The following CCL18 variants were observed in gnomAD, a reference collection of about 807,000 sequenced individuals.
The protein encoded by CCL18 is C-C motif chemokine ligand 18, also known as C-C motif chemokine 18.
A neutral mutation model predicts 8.0 loss-of-function variants in CCL18; 7 were observed. That is an observed-to-expected ratio of 0.87 (90% confidence interval 0.50 to 1.64). The LOEUF (loss-of-function observed/expected upper bound fraction) is 1.64. Among genes scored for constraint, CCL18 ranks in the 40% most tolerant of loss-of-function variants. CCL18 has a pLI of 0.00. For synonymous variants in CCL18, 35 were observed against 41.3 expected (o/e 0.85, Z 0.59); for missense variants, 95 against 107.8 (o/e 0.88, Z 0.52).
intron 1 of CCL18, among the ~76,000 whole-genome samples, chr17:36,066,215 G>A (rs2066836215): frequency 6.6e-6 from 1 of 152,176 alleles, no homozygotes; most frequent in African/African-American, 2.4e-5. Flanking sequence ...TAAGTGATAT[G>A]GCTTAAATGT....
chr17:36,064,757 A>G (rs1288948839), intron 1 of CCL18, among the ~76,000 whole-genome samples: 1 of 152,186 alleles, frequency 6.6e-6, no homozygotes, highest in Non-Finnish European at 1.5e-5. Context: ...GGGTAACATA[A>G]AAGATGTCTA....
chr17:36,066,838 C>A (rs540879548), intron 1 of CCL18, among the ~76,000 whole-genome samples: 1 of 152,158 alleles, frequency 6.6e-6, no homozygotes, highest in Non-Finnish European at 1.5e-5. Flanking sequence ...TGAAAAGGAC[C>A]ATTACATCGT....
chr17:36,069,318 A>T (rs902987231), intron 1 of CCL18, among the ~76,000 whole-genome samples: 2 of 152,186 alleles, frequency 1.3e-5, no homozygotes, highest in African/African-American at 4.8e-5. Context: ...TCACTGTGGA[A>T]ACCATTTCCC....
Position 36,070,438 on chromosome 17 carries a change from C to T in CCL18, c.68-9C>T. The T allele has an allele frequency of 6.5e-7, 1 of 1,542,490 alleles. No homozygotes were observed. Among genetic ancestry groups the T allele is most frequent in the Admixed American group, 1.7e-5 (1 of 59,946 alleles). The stretch of plus-strand genomic sequence containing the variant: ...ATGACTTGGGATCTTTCTGTCCTGT[C>T]TCTTGCAGTTGGTACCAACAAAGAG... On this transcript the variant is annotated splice_polypyrimidine_tract_variant and intron_variant, in intron 1 of 2. Transcript: ENST00000616054.
At chr17:36,069,567 C>T (rs942688815) in intron 1 of CCL18, among the ~76,000 whole-genome samples, 6 of 152,068 alleles carry the variant, frequency 3.9e-5, no homozygotes, top group African/African-American at 1.4e-4. Context: ...GCACATGTAC[C>T]CCGAACTTAA....
rs983751069 is a variant in CCL18 at position 36,071,128 on chromosome 17, T to C, written c.*87T>C. 6 of 825,580 alleles carry C rather than the reference T, an allele frequency of 7.3e-6. No homozygotes were observed. Among genetic ancestry groups the C allele is most frequent in the Non-Finnish European group, 1.2e-5 (6 of 498,374 alleles). The allele number at this position is 825,580 out of a possible 1,614,324, so 51.1% of individuals were successfully genotyped here. Reference sequence around the variant, plus strand: ...AGCCAGGGCAATGGCCCTGCCACCCTGGAGGCTACCTCTTCTAAGAGTCCC... The same window carrying C: ...AGCCAGGGCAATGGCCCTGCCACCCCGGAGGCTACCTCTTCTAAGAGTCCC... On this transcript the variant is annotated 3_prime_UTR_variant, in exon 3 of 3. Transcript: ENST00000616054.
Position 36,064,309 on chromosome 17 carries a change from C to T in CCL18, c.-34C>T, listed in dbSNP as rs780645213. On this transcript the variant is annotated 5_prime_UTR_variant, in exon 1 of 3. Transcript: ENST00000616054. ...GGAGTTGTGAGTTTCCAAGCCCCAGCTCACTCTGACCACTTCTCTGCCTGC... is the reference window on the plus strand; with the variant it reads ...GGAGTTGTGAGTTTCCAAGCCCCAGTTCACTCTGACCACTTCTCTGCCTGC... 23 of 1,589,306 alleles carry T rather than the reference C, an allele frequency of 1.4e-5. No individual in the cohort carries two copies. Among genetic ancestry groups the T allele is most frequent in the Non-Finnish European group, 1.9e-5 (22 of 1,157,516 alleles).
chr17:36,066,741 G>C (rs1357941001), intron 1 of CCL18, among the ~76,000 whole-genome samples: 1 of 152,234 alleles, frequency 6.6e-6, no homozygotes, highest in Non-Finnish European at 1.5e-5. Flanking sequence ...ATGCTGTGCT[G>C]CAGCTCCTCT....
chr17:36,069,825 G>A (rs1321672947), intron 1 of CCL18, among the ~76,000 whole-genome samples: 1 of 152,126 alleles, frequency 6.6e-6, no homozygotes, highest in Non-Finnish European at 1.5e-5. Flanking sequence ...CCCCAGGCCC[G>A]CTGTCCCTTG....
chr17:36,066,454 C>G (rs1388343094), intron 1 of CCL18, among the ~76,000 whole-genome samples: 2 of 152,190 alleles, frequency 1.3e-5, no homozygotes, highest in Admixed American at 1.3e-4. Context: ...GTCCTCAACC[C>G]TTTACAGGCA....
intron 1 of CCL18, among the ~76,000 whole-genome samples, chr17:36,067,727 G>T (rs781582348): frequency 2.0e-4 from 30 of 152,028 alleles, no homozygotes; most frequent in Admixed American, 1.1e-3. Flanking sequence ...ATATGTTACA[G>T]TAGTGCATGA....
chr17:36,066,954 C>A (rs1375419115), intron 1 of CCL18, among the ~76,000 whole-genome samples: 1 of 152,230 alleles, frequency 6.6e-6, no homozygotes, highest in Non-Finnish European at 1.5e-5. Flanking sequence ...AAGAACAGAT[C>A]TATTTGTGAA....
chr17:36,066,009 C>A (rs1463865292), intron 1 of CCL18, among the ~76,000 whole-genome samples: 1 of 152,198 alleles, frequency 6.6e-6, no homozygotes, highest in Non-Finnish European at 1.5e-5. Flanking sequence ...ACCCTAGGAA[C>A]CAACTAGACC....
chr17:36,069,389 C>T (rs528317317), intron 1 of CCL18, among the ~76,000 whole-genome samples: 1 of 152,162 alleles, frequency 6.6e-6, no homozygotes, highest in Non-Finnish European at 1.5e-5. Flanking sequence ...TGAGCTGAAG[C>T]TCTCCTGGTT....
At chr17:36,067,716 C>T (rs2066844801) in intron 1 of CCL18, among the ~76,000 whole-genome samples, 1 of 152,022 alleles carries the variant, frequency 6.6e-6, no homozygotes, top group Non-Finnish European at 1.5e-5. Flanking sequence ...AACCAACCCA[C>T]ATATGTTACA....
intron 1 of CCL18, among the ~76,000 whole-genome samples, chr17:36,068,597 GC>G (rs2066849503): frequency 6.6e-6 from 1 of 152,142 alleles, no homozygotes; most frequent in Non-Finnish European, 1.5e-5. Context: ...CATATAAAAA[GC>G]TATTTGAACT....
Position 36,071,142 on chromosome 17 carries a change from T to C in CCL18, c.*101T>C, listed in dbSNP as rs1239373004. 2 of 696,896 alleles carry C rather than the reference T, an allele frequency of 2.9e-6. No homozygotes were observed. The highest frequency in any genetic ancestry group is 5.1e-6 in the Non-Finnish European group (2 of 392,652). 43.2% of individuals were successfully genotyped at this position (696,896 alleles called of 1,614,324 possible). ...CCCTGCCACCCTGGAGGCTACCTCT[T>C]CTAAGAGTCCCATCTGCTATGCCCA... is the stretch of plus-strand genomic sequence containing the variant. On this transcript the variant is annotated 3_prime_UTR_variant, in exon 3 of 3. Transcript: ENST00000616054.
chr17:36,066,680 G>A (rs1044277098), intron 1 of CCL18, among the ~76,000 whole-genome samples: 7 of 152,222 alleles, frequency 4.6e-5, no homozygotes, highest in Admixed American at 2.0e-4. Context: ...GAAGTCATAC[G>A]TACAAGGAGA....
chr17:36,065,699 A>T (rs1226996261), intron 1 of CCL18, among the ~76,000 whole-genome samples: 1 of 152,202 alleles, frequency 6.6e-6, no homozygotes, highest in East Asian at 1.9e-4. Flanking sequence ...GACCAGCAAG[A>T]AGTTGATGAA....
Sources: gnomAD v4.1 joint callset for allele counts (sites outside exome capture counted in the v4.1 genomes callset) on GRCh38, gnomAD v4.1.1 for gene constraint, MANE v1.5 for transcripts, NCBI Gene and HGNC (gene_info 2026-07-23, HGNC 2026-07-21) for gene names.